ZDHHC11B: variants seen among roughly 807,000 people sequenced by gnomAD.
ZDHHC11B encodes zDHHC palmitoyltransferase 11B (putative), also known as probable palmitoyltransferase ZDHHC11B.
ZDHHC11B carries 17 observed loss-of-function variants against 42.3 expected under a neutral mutation model. The observed-to-expected ratio is 0.40, with a 90% CI of 0.27 to 0.60. The LOEUF is 0.60. Ranked by LOEUF, ZDHHC11B falls within the 20% of genes least tolerant of loss-of-function variation. The pLI, the probability that ZDHHC11B is intolerant of heterozygous loss-of-function variation, is 0.41. For synonymous variants in ZDHHC11B, 123 were observed against 193.5 expected (o/e 0.64, Z 3.02); for missense variants, 262 against 463.2 (o/e 0.57, Z 3.99).
intron 4 of ZDHHC11B, among the ~76,000 whole-genome samples, chr5:756,831 C>A (rs1406927167): frequency 6.6e-6 from 1 of 151,662 alleles, no homozygotes; most frequent in Non-Finnish European, 1.5e-5. Context: ...GACGGACCCT[C>A]TCCCCGAGAC....
At chr5:764,923 C>T (rs1457796927) in intron 4 of ZDHHC11B, among the ~76,000 whole-genome samples, 1 of 124,442 alleles carries the variant, frequency 8.0e-6, no homozygotes, top group Non-Finnish European at 1.8e-5. Context: ...ATGCACCAAT[C>T]AGCACTCTGT....
In ZDHHC11B at chr5:734,155, G is replaced by C. The variant is rs372003764; in HGVS notation, c.936-316C>G. On this transcript the variant is annotated intron_variant, in intron 10 of 13. Coordinates refer to ENST00000508859, the MANE Select transcript of ZDHHC11B (RefSeq NM_001351303.2). The stretch of plus-strand genomic sequence containing the variant: ...GGGTTCTGAAGAGTGATGGCAGATG[G>C]GAGACAGGTCTGATATGCAGCTCCC... Among the ~76,000 whole-genome samples the C allele has an allele frequency of 3.6e-4, 51 of 142,274 alleles. No homozygotes were observed. The East Asian group carries it at 4.9e-3, about 14-fold the overall frequency. 93.3% of individuals were successfully genotyped at this position (142,274 alleles called of 152,430 possible).
chr5:717,673 G>A (rs1321499000), intron 12 of ZDHHC11B, among the ~76,000 whole-genome samples: 2 of 151,814 alleles, frequency 1.3e-5, no homozygotes, highest in African/African-American at 4.9e-5. Flanking sequence ...AAAGCAAGAG[G>A]GAAACCTTTC....
chr5:774,733 G>A (rs1736331046), intron 1 of ZDHHC11B, among the ~76,000 whole-genome samples: 2 of 51,516 alleles, frequency 3.9e-5, no homozygotes, highest in African/African-American at 1.4e-4. Flanking sequence ...CCTTGGGCCT[G>A]GAGCCTATTA....
In ZDHHC11B at chr5:733,745, A is replaced by G. The variant is rs1743258527; in HGVS notation, c.1023+7T>C. On this transcript the variant is annotated splice_region_variant and intron_variant, in intron 11 of 13. Coordinates refer to ENST00000508859, the MANE Select transcript of ZDHHC11B (RefSeq NM_001351303.2). ...CTCAGGGTGCATTGCTGGTGACTGC[A>G]ACTTACCTGTGCCTTCGAATCCCCG... The G allele has an allele frequency of 6.2e-7, 1 of 1,609,386 alleles. No individual in the cohort carries two copies. Among genetic ancestry groups the G allele is most frequent in the Non-Finnish European group, 8.5e-7 (1 of 1,177,918 alleles).
chr5:765,946 A>ATTC (rs1735264002), intron 4 of ZDHHC11B, among the ~76,000 whole-genome samples: 1 of 151,934 alleles, frequency 6.6e-6, no homozygotes, highest in Non-Finnish European at 1.5e-5. Context: ...CTAGTGAGAA[A>ATTC]TAACACATCC....
chr5:772,809 G>A (rs1736165781), intron 1 of ZDHHC11B, among the ~76,000 whole-genome samples: 1 of 151,800 alleles, frequency 6.6e-6, no homozygotes, highest in African/African-American at 2.4e-5. Flanking sequence ...GCCTCTGCGT[G>A]GGGTGTGTGC....
chr5:779,406 CT>C (rs1279745157), intron 1 of ZDHHC11B, among the ~76,000 whole-genome samples: 1 of 149,882 alleles, frequency 6.7e-6, no homozygotes, highest in African/African-American at 2.5e-5. Flanking sequence ...GGAACAAAGT[CT>C]TTGAGGCCCT....
intron 4 of ZDHHC11B, among the ~76,000 whole-genome samples, chr5:756,723 G>A (rs1733906456): frequency 6.6e-6 from 1 of 151,764 alleles, no homozygotes; most frequent in Non-Finnish European, 1.5e-5. Flanking sequence ...AGACCCCTGA[G>A]CACTGGGAGA....
chr5:714,493 A>T (rs960384955), intron 13 of ZDHHC11B, among the ~76,000 whole-genome samples: 3 of 109,374 alleles, frequency 2.7e-5, no homozygotes, highest in East Asian at 2.4e-4. Flanking sequence ...AGTGGTGAAT[A>T]TTTTTTTTTT....
At chr5:718,582 G>C (rs567435937) in intron 12 of ZDHHC11B, among the ~76,000 whole-genome samples, 64 of 151,232 alleles carry the variant, frequency 4.2e-4, no homozygotes, top group African/African-American at 1.4e-3. Context: ...TGTAGTCCCA[G>C]TTACTCGGGA....
intron 10 of ZDHHC11B, among the ~76,000 whole-genome samples, chr5:739,066 C>T (rs1426867998): frequency 6.7e-6 from 1 of 150,334 alleles, no homozygotes; most frequent in African/African-American, 2.5e-5. Flanking sequence ...GACTAATATC[C>T]AGAATCTAAA....
intron 6 of ZDHHC11B, among the ~76,000 whole-genome samples, chr5:754,235 C>T (rs369369495): frequency 1.5e-4 from 17 of 113,360 alleles, no homozygotes; most frequent in East Asian, 4.0e-4. Context: ...CATCTATGAG[C>T]CTCCACCGTG....
At chr5:758,508 C>A (rs1379637446) in intron 4 of ZDHHC11B, among the ~76,000 whole-genome samples, 3 of 151,828 alleles carry the variant, frequency 2.0e-5, no homozygotes, top group African/African-American at 7.3e-5. Flanking sequence ...GACCCATTGA[C>A]TTCCCTGTGG....
chr5:762,686 T>G (rs1247118564), intron 4 of ZDHHC11B, among the ~76,000 whole-genome samples: 1 of 151,674 alleles, frequency 6.6e-6, no homozygotes, highest in Non-Finnish European at 1.5e-5. Flanking sequence ...ATACATAGCT[T>G]TAAACACACA....
At chr5:728,392 T>C (rs1221883055) in intron 12 of ZDHHC11B, among the ~76,000 whole-genome samples, 1 of 151,834 alleles carries the variant, frequency 6.6e-6, no homozygotes, top group Non-Finnish European at 1.5e-5. Flanking sequence ...AACAATATTG[T>C]CAGTATCTGA....
chr5:723,656 C>T (rs868372105), intron 12 of ZDHHC11B, among the ~76,000 whole-genome samples: 5 of 109,604 alleles, frequency 4.6e-5, no homozygotes, highest in African/African-American at 9.0e-5. Flanking sequence ...AGGCCACAGG[C>T]GGGGTCTGGG....
At chr5:777,777 T>C (rs1204780926) in intron 1 of ZDHHC11B, among the ~76,000 whole-genome samples, 4 of 152,062 alleles carry the variant, frequency 2.6e-5, no homozygotes, top group African/African-American at 9.6e-5. Flanking sequence ...TATCGGATCC[T>C]GAGCCCCGCA....
rs1218225086 is a variant in ZDHHC11B, at chr5:773,569, G to C, written c.-229-4639C>G. Among the ~76,000 whole-genome samples, 3 of 151,928 alleles carry C rather than the reference G, an allele frequency of 2.0e-5. No individual in the cohort carries two copies. In the East Asian group the frequency reaches 5.8e-4, roughly 29 times the overall value. On this transcript the variant is annotated intron_variant, in intron 1 of 13. Coordinates refer to ENST00000508859, the MANE Select transcript of ZDHHC11B (RefSeq NM_001351303.2). ...GTGCCCACCATCTCAGCTGTGCCCT[G>C]TACTCCCAGGCCTGTGGCTTGCATC...
Sources: gnomAD v4.1 joint callset for allele counts (sites outside exome capture counted in the v4.1 genomes callset) on GRCh38, gnomAD v4.1.1 for gene constraint, MANE v1.5 for transcripts, NCBI Gene and HGNC (gene_info 2026-07-23, HGNC 2026-07-21) for gene names.